Variants in CDH13 observed in about 807,000 individuals in gnomAD.
CDH13 encodes the protein cadherin-13.
In CDH13, 24 loss-of-function variants were observed where a neutral mutation model predicts 63.8. The observed-to-expected ratio is 0.38, with a 90% CI of 0.27 to 0.53. The LOEUF (loss-of-function observed/expected upper bound fraction) is 0.53, where lower values mean the gene tolerates loss of function less well. CDH13 is among the 20% of genes least tolerant of loss of function. CDH13 has a pLI of 0.85. For missense variants in CDH13, 1,049 were observed against 903.1 expected, an observed-to-expected ratio of 1.16 and a Z score of -2.07; for synonymous variants, 503 against 355.3, an observed-to-expected ratio of 1.42 and a Z score of -4.67.
At chr16:83,181,716 C>T (rs780152509) in intron 4 of CDH13, among the ~76,000 whole-genome samples, 95 of 152,218 alleles carry the variant, frequency 6.2e-4, no homozygotes, top group Non-Finnish European at 9.9e-4. Context: ...GGGGTGTTCA[C>T]CCTTGGTCCC....
intron 2 of CDH13, among the ~76,000 whole-genome samples, chr16:82,932,527 C>T (rs1311046413): frequency 5.9e-5 from 9 of 152,142 alleles, no homozygotes; most frequent in Admixed American, 5.9e-4. Context: ...GGCAGAGCTT[C>T]CCAAGACAAA....
At chr16:82,702,357 T>G (rs777202331) in intron 1 of CDH13, among the ~76,000 whole-genome samples, 1 of 152,178 alleles carries the variant, frequency 6.6e-6, no homozygotes, top group Non-Finnish European at 1.5e-5. Flanking sequence ...AATCATAGGA[T>G]AGGTTTCATA....
At chr16:83,511,898 C>T (rs79601274) in intron 7 of CDH13, among the ~76,000 whole-genome samples, 1 of 152,156 alleles carries the variant, frequency 6.6e-6, no homozygotes, top group Non-Finnish European at 1.5e-5. Flanking sequence ...GTTATTTAAC[C>T]TCTCATACCC....
intron 1 of CDH13, among the ~76,000 whole-genome samples, chr16:82,804,496 A>G (rs572361174): frequency 1.8e-3 from 281 of 152,310 alleles, no homozygotes; most frequent in African/African-American, 6.6e-3. Flanking sequence ...ATTAAGAAAA[A>G]GAAATAAAAA....
chr16:82,710,167 A>AAATTTAATTTATAAATTAAATTTATT (rs2031797894), intron 1 of CDH13, among the ~76,000 whole-genome samples: 1 of 147,032 alleles, frequency 6.8e-6, no homozygotes, highest in Admixed American at 6.8e-5. Context: ...TTAAATTTAT[A>AAATTTAATTTATAAATTAAATTTATT]AATTTAATTT....
intron 1 of CDH13, among the ~76,000 whole-genome samples, chr16:82,728,878 C>A (rs1399751388): frequency 1.3e-5 from 2 of 152,194 alleles, no homozygotes; most frequent in South Asian, 2.1e-4. Flanking sequence ...GCTTTGTCAA[C>A]TGGTTTAGGT....
intron 2 of CDH13, among the ~76,000 whole-genome samples, chr16:82,885,985 C>T (rs1179199043): frequency 6.6e-6 from 1 of 152,032 alleles, no homozygotes; most frequent in Non-Finnish European, 1.5e-5. Context: ...TTTTCAAGAT[C>T]TGGTGAGAAA....
intron 1 of CDH13, among the ~76,000 whole-genome samples, chr16:82,809,521 G>A (rs919033497): frequency 2.6e-5 from 4 of 152,026 alleles, no homozygotes; most frequent in African/African-American, 7.2e-5. Flanking sequence ...AAGTGATGAC[G>A]CTCAAATCTA....
chr16:83,372,828 C>G (rs747412103), intron 6 of CDH13, among the ~76,000 whole-genome samples: 6 of 149,802 alleles, frequency 4.0e-5, no homozygotes, highest in Admixed American at 2.7e-4. Context: ...TGTGGGGAAA[C>G]TTGCAAGTAA....
In CDH13 at chr16:83,293,171, G is replaced by A. The variant is rs182274805; in HGVS notation, c.637-51691G>A. Reference sequence around the variant, plus strand: ...GAATATGCATTGGGCTTTTATGAGCGGTCTTTGCACTACTCATATCTGATA... The same window carrying A: ...GAATATGCATTGGGCTTTTATGAGCAGTCTTTGCACTACTCATATCTGATA... On this transcript the variant is annotated intron_variant, in intron 5 of 13. Transcript: ENST00000567109. 1.2e-3 allele frequency among the ~76,000 whole-genome samples: 181 copies of A among 152,204 alleles called. 3 individuals carry two copies. The East Asian group carries it at 0.031, about 26-fold the overall frequency.
chr16:82,944,783 A>AT (rs1904510530), intron 2 of CDH13, among the ~76,000 whole-genome samples: 1 of 152,166 alleles, frequency 6.6e-6, no homozygotes, highest in Non-Finnish European at 1.5e-5. Context: ...AGAGAAAGAG[A>AT]GAGAGAGAGA....
intron 4 of CDH13, among the ~76,000 whole-genome samples, chr16:83,157,162 T>C (rs535631333): frequency 3.3e-5 from 5 of 152,172 alleles, no homozygotes; most frequent in Non-Finnish European, 7.3e-5. Context: ...TAGATTAATT[T>C]TGATTCTTAG....
intron 2 of CDH13, among the ~76,000 whole-genome samples, chr16:82,993,167 TTTCCTTCTGC>T (rs1331675459): frequency 3.3e-5 from 5 of 152,334 alleles, no homozygotes; most frequent in Admixed American, 6.5e-5. Flanking sequence ...TCGATATCTG[TTTCCTTCTGC>T]TAACATTTTA....
intron 6 of CDH13, among the ~76,000 whole-genome samples, chr16:83,456,746 G>T (rs1048948924): frequency 2.0e-5 from 3 of 152,162 alleles, no homozygotes; most frequent in East Asian, 1.9e-4. Context: ...CAGATCACCT[G>T]AGGTCAGGAG....
chr16:83,374,667 C>T (rs1040984461), intron 6 of CDH13, among the ~76,000 whole-genome samples: 3 of 152,184 alleles, frequency 2.0e-5, no homozygotes, highest in Non-Finnish European at 4.4e-5. Flanking sequence ...AAGTACCTTG[C>T]GCTGTGTGTT....
chr16:82,938,691 A>G (rs994057864), intron 2 of CDH13, among the ~76,000 whole-genome samples: 11 of 152,176 alleles, frequency 7.2e-5, no homozygotes, highest in African/African-American at 2.4e-4. Flanking sequence ...AAGGTGCAGG[A>G]AGCATCAGTA....
At chr16:83,083,631 G>A (rs536385563) in intron 3 of CDH13, among the ~76,000 whole-genome samples, 4 of 152,272 alleles carry the variant, frequency 2.6e-5, no homozygotes, top group African/African-American at 9.6e-5. Context: ...TATGGAATTT[G>A]TATTGGAAAA....
intron 3 of CDH13, among the ~76,000 whole-genome samples, chr16:83,108,479 G>A (rs766477460): frequency 1.1e-4 from 17 of 152,168 alleles, no homozygotes; most frequent in Non-Finnish European, 1.6e-4. Flanking sequence ...CAGGTCTCCC[G>A]CCTCATAGAT....
chr16:83,188,927 G>A (rs1424226844), intron 4 of CDH13, among the ~76,000 whole-genome samples: 1 of 152,138 alleles, frequency 6.6e-6, no homozygotes, highest in African/African-American at 2.4e-5. Flanking sequence ...CACGCTTGGA[G>A]TGAGACCCTT....
Sources: allele counts gnomAD v4.1 joint callset (sites outside exome capture counted in the v4.1 genomes callset), GRCh38; gene constraint gnomAD v4.1.1; transcripts MANE v1.5; gene names NCBI Gene and HGNC (gene_info 2026-07-23, HGNC 2026-07-21).